LRRC7: variants seen among roughly 807,000 people sequenced by gnomAD.
LRRC7 encodes the protein leucine rich repeat containing 7.
Under a neutral mutation model 175.7 loss-of-function variants are expected in LRRC7, and 23 were observed. The observed-to-expected ratio is 0.13, with a 90% confidence interval of 0.09 to 0.19. LRRC7 has a LOEUF of 0.19. LRRC7 is among the 10% of genes least tolerant of loss of function. The probability of loss-of-function intolerance (pLI) is 1.00; values close to 1 mark genes in which losing one functional copy is unlikely to be tolerated. For synonymous variants in LRRC7, 685 were observed against 680.9 expected (o/e 1.01, Z -0.09); for missense variants, 1,354 against 1,904.7 (o/e 0.71, Z 5.38).
chr1:70,019,495 T>G (rs534612681), intron 15 of LRRC7, among the ~76,000 whole-genome samples: 1 of 152,036 alleles, frequency 6.6e-6, no homozygotes, highest in South Asian at 2.1e-4. Context: ...TCTATAGTTA[T>G]GGAGTAACAA....
At chr1:69,627,559 G>T (rs932927436) in intron 1 of LRRC7, among the ~76,000 whole-genome samples, 1 of 152,066 alleles carries the variant, frequency 6.6e-6, no homozygotes, top group Non-Finnish European at 1.5e-5. Context: ...CTTTTGCTGT[G>T]CAGAAGCTCT....
chr1:69,585,069 C>T (rs1646353832), intron 1 of LRRC7, among the ~76,000 whole-genome samples: 1 of 152,124 alleles, frequency 6.6e-6, no homozygotes, highest in Non-Finnish European at 1.5e-5. Flanking sequence ...AACTGCTAGA[C>T]TGATACACAG....
At chr1:69,574,046 A>G (rs1243271378) in intron 1 of LRRC7, among the ~76,000 whole-genome samples, 2 of 152,158 alleles carry the variant, frequency 1.3e-5, no homozygotes, top group African/African-American at 4.8e-5. Flanking sequence ...AGGTATGCCC[A>G]AGGTAGTATC....
intron 10 of LRRC7, among the ~76,000 whole-genome samples, chr1:69,989,252 A>G (rs1167615797): frequency 6.6e-6 from 1 of 152,208 alleles, no homozygotes; most frequent in African/African-American, 2.4e-5. Context: ...ACCAAGTTGC[A>G]GTTAGACAGG....
intron 7 of LRRC7, among the ~76,000 whole-genome samples, chr1:69,908,173 T>G (rs1275906601): frequency 6.6e-6 from 1 of 152,212 alleles, no homozygotes; most frequent in Non-Finnish European, 1.5e-5. Context: ...TTAGTCTTGC[T>G]AGCGGTCTAT....
chr1:69,669,500 T>C (rs2100566866), intron 1 of LRRC7, among the ~76,000 whole-genome samples: 1 of 152,346 alleles, frequency 6.6e-6, no homozygotes, highest in East Asian at 1.9e-4. Flanking sequence ...TAGGACCTTT[T>C]CTTTATCCTT....
chr1:69,915,174 T>A (rs1422106721), intron 7 of LRRC7, among the ~76,000 whole-genome samples: 1 of 152,050 alleles, frequency 6.6e-6, no homozygotes, highest in Non-Finnish European at 1.5e-5. Flanking sequence ...AACCACATCA[T>A]CTTTAAGGGG....
At chr1:69,749,111 T>A (rs1444140304) in intron 2 of LRRC7, among the ~76,000 whole-genome samples, 2 of 152,178 alleles carry the variant, frequency 1.3e-5, no homozygotes, top group Admixed American at 6.5e-5. Context: ...TCTACTGTCC[T>A]TACATGTATA....
At chr1:69,914,049 T>A (rs1056732202) in intron 7 of LRRC7, among the ~76,000 whole-genome samples, 7 of 152,136 alleles carry the variant, frequency 4.6e-5, no homozygotes, top group African/African-American at 1.7e-4. Flanking sequence ...TTTTTTTAAG[T>A]GTCATTAAGA....
At chr1:69,630,287 C>T (rs1312041518) in intron 1 of LRRC7, among the ~76,000 whole-genome samples, 1 of 152,080 alleles carries the variant, frequency 6.6e-6, no homozygotes, top group African/African-American at 2.4e-5. Flanking sequence ...GCCCACTTCC[C>T]TATTGGTGGA....
At chr1:69,700,410 T>A (rs566741021) in intron 2 of LRRC7, among the ~76,000 whole-genome samples, 1 of 152,332 alleles carries the variant, frequency 6.6e-6, no homozygotes, top group East Asian at 1.9e-4. Context: ...CTTCATATAT[T>A]GATCTGGCTT....
At chr1:69,886,242 G>C (rs1254634268) in intron 7 of LRRC7, among the ~76,000 whole-genome samples, 1 of 151,828 alleles carries the variant, frequency 6.6e-6, no homozygotes, top group Admixed American at 6.6e-5. Context: ...TTGTTAATGT[G>C]TGGGAGTCTA....
chr1:69,805,470 G>A (rs533604910), intron 4 of LRRC7, among the ~76,000 whole-genome samples: 30 of 151,750 alleles, frequency 2.0e-4, no homozygotes, highest in Non-Finnish European at 4.0e-4. Context: ...TGTGTTCTCT[G>A]GTGTTTGGCA....
chr1:69,894,782 C>A (rs144759165), intron 7 of LRRC7, among the ~76,000 whole-genome samples: 178 of 152,140 alleles, frequency 1.2e-3, no homozygotes, highest in African/African-American at 4.2e-3. Flanking sequence ...TATGAGGCAC[C>A]TAAAATAATC....
intron 7 of LRRC7, among the ~76,000 whole-genome samples, chr1:69,921,788 A>G (rs1401250697): frequency 6.6e-6 from 1 of 152,170 alleles, no homozygotes; most frequent in African/African-American, 2.4e-5. Context: ...AAAGCCTTCC[A>G]TTGCCTTCAA....
chr1:70,023,295 T>G lies in LRRC7; in HGVS notation c.1715T>G (p.Leu572Arg), dbSNP rs1657712020. The G allele has an allele frequency of 2.5e-6, 4 of 1,613,448 alleles. No homozygotes were observed. The South Asian group carries it at 4.4e-5, about 18-fold the overall frequency. Residue 572 changes from leucine (L) to arginine (R), a missense_variant, in exon 17 of 27, where the codon CTC (leucine) becomes CGC (arginine). Leu to Arg is a moderately radical substitution (Grantham distance 102). Transcript: ENST00000651989. Reference protein sequence around the residue: ...PQLAWGCISGLQQERSMCTPL... With the variant: ...PQLAWGCISGRQQERSMCTPL... ...CTGGCATGGGGTTGTATAAGTGGCC[T>G]CCAGCAGGAAAGGAGCATGTGTACT... is the stretch of plus-strand genomic sequence containing the variant.
chr1:69,880,413 T>A (rs942338656), intron 7 of LRRC7, among the ~76,000 whole-genome samples: 10 of 152,032 alleles, frequency 6.6e-5, no homozygotes, highest in Non-Finnish European at 1.2e-4. Context: ...GGAAAGAGAC[T>A]TCTTTGGGTA....
chr1:69,926,762 A>G (rs994836411), intron 7 of LRRC7, among the ~76,000 whole-genome samples: 1 of 152,046 alleles, frequency 6.6e-6, no homozygotes, highest in Admixed American at 6.5e-5. Flanking sequence ...TCTTTATCCA[A>G]TTTGCCAGTC....
rs1666919101 is a variant in LRRC7, at chr1:70,137,528, T to G, written c.*15641T>G. ...TACCTACATACAAGGAAAACATTAGTCTTTACTGTTAGCAAACACTCCACC... is the reference window on the plus strand; with the variant it reads ...TACCTACATACAAGGAAAACATTAGGCTTTACTGTTAGCAAACACTCCACC... On this transcript the variant is annotated 3_prime_UTR_variant, in exon 27 of 27. Coordinates refer to ENST00000651989, the MANE Select transcript of LRRC7 (RefSeq NM_001370785.2). 6.6e-6 allele frequency among the ~76,000 whole-genome samples: 1 copy of G among 152,244 alleles called. No homozygotes were observed. Among genetic ancestry groups the G allele is most frequent in the South Asian group, 2.1e-4 (1 of 4,832 alleles).
Sources: allele counts gnomAD v4.1 joint callset (sites outside exome capture counted in the v4.1 genomes callset), GRCh38; gene constraint gnomAD v4.1.1; transcripts MANE v1.5; gene names NCBI Gene and HGNC (gene_info 2026-07-23, HGNC 2026-07-21).